Variants in DPY19L4 observed in about 807,000 individuals in gnomAD.
DPY19L4 encodes dpy-19 like 4.
DPY19L4 carries 97 observed loss-of-function variants against 102.8 expected under a neutral mutation model. The ratio of observed to expected loss-of-function variants is 0.94; its 90% CI spans 0.80 to 1.12. The LOEUF is 1.12. Among genes scored for constraint, DPY19L4 ranks in the 50% most tolerant of loss-of-function variants. The pLI is 0.00. For synonymous variants in DPY19L4, 252 were observed against 283.1 expected, an observed-to-expected ratio of 0.89 and a Z score of 1.10; for missense variants, 815 against 850.4, an observed-to-expected ratio of 0.96 and a Z score of 0.52.
intron 6 of DPY19L4, among the ~76,000 whole-genome samples, chr8:94,740,176 C>T (rs1437660579): frequency 6.6e-6 from 1 of 152,190 alleles, no homozygotes; most frequent in African/African-American, 2.4e-5. Flanking sequence ...TTGATTTTAG[C>T]TTAGGGATAC....
rs1055442627 is a variant in DPY19L4, at chr8:94,733,167, C to T, written c.128-1463C>T. Among the ~76,000 whole-genome samples the T allele has an allele frequency of 5.5e-5, 8 of 146,500 alleles. No individual in the cohort carries two copies. In the South Asian group the frequency reaches 1.1e-3, roughly 20 times the overall value. On this transcript the variant is annotated intron_variant, in intron 2 of 18. Transcript: ENST00000414645. ...TTGAGACAGAGTCTCGCTCTGTCGCCCAGGCTGGAGCGCAGTGGCATGATC... is the reference window on the plus strand; with the variant it reads ...TTGAGACAGAGTCTCGCTCTGTCGCTCAGGCTGGAGCGCAGTGGCATGATC...
chr8:94,725,603 A>G (rs1810651390), intron 1 of DPY19L4, among the ~76,000 whole-genome samples: 1 of 152,172 alleles, frequency 6.6e-6, no homozygotes, highest in African/African-American at 2.4e-5. Flanking sequence ...GGGTTATTTA[A>G]AAACAGAAGT....
Position 94,725,086 on chromosome 8 carries a change from C to G in DPY19L4, c.17-1245C>G, listed in dbSNP as rs536303070. 2.0e-5 allele frequency among the ~76,000 whole-genome samples: 3 copies of G among 151,966 alleles called. No homozygotes were observed. In the South Asian group the frequency reaches 6.2e-4, roughly 31 times the overall value. The stretch of plus-strand genomic sequence containing the variant: ...TTTGCTATGAAGCTATTTTAAGATA[C>G]ATTTATTTTATTCATTTTCCACAGT... On this transcript the variant is annotated intron_variant, in intron 1 of 18. Transcript: ENST00000414645.
At chr8:94,736,244 A>G (rs1811184607) in intron 3 of DPY19L4, among the ~76,000 whole-genome samples, 1 of 152,254 alleles carries the variant, frequency 6.6e-6, no homozygotes, top group Non-Finnish European at 1.5e-5. Flanking sequence ...CCCACTTCCA[A>G]ATATCTTCTC....
At position 94,766,701 on chromosome 8, in the gene DPY19L4, T is replaced by C. The variant is rs931921655; in HGVS notation, c.1175+16T>C. The stretch of plus-strand genomic sequence containing the variant: ...ATATGACCAAGTAAGTTTTAGATTA[T>C]GTAAGTTTACCTAAATCGATACCAC... On this transcript the variant is annotated intron_variant, in intron 11 of 18. Coordinates refer to ENST00000414645, the MANE Select transcript of DPY19L4 (RefSeq NM_181787.3). 6.3e-7 allele frequency: 1 copy of C among 1,599,548 alleles called. No homozygotes were observed. Among genetic ancestry groups the C allele is most frequent in the Non-Finnish European group, 8.6e-7 (1 of 1,168,988 alleles).
rs769014044 is a variant in DPY19L4, at chr8:94,789,783, A to C, written c.2045A>C (p.Lys682Thr). The C allele has an allele frequency of 6.2e-7, 1 of 1,611,084 alleles. No individual in the cohort carries two copies. The highest frequency in any genetic ancestry group is 1.1e-5 in the South Asian group (1 of 90,280). Residue 682 changes from lysine to threonine, a missense_variant, in exon 19 of 19, where the codon AAA becomes ACA. Lys to Thr is a moderately conservative substitution (Grantham distance 78). Transcript: ENST00000414645. ...GAAGGTGACAAGCTAACCTACTCAA[A>C]ATATGGGCGATTTTGTCATGAGGTC... The part of the protein sequence containing the change: ...CEEGDKLTYS[K>T]YGRFCHEVKI...
chr8:94,763,517 TC>T (rs1283372905), intron 8 of DPY19L4, among the ~76,000 whole-genome samples: 1 of 133,356 alleles, frequency 7.5e-6, no homozygotes, highest in Non-Finnish European at 1.6e-5. Flanking sequence ...ATTTTTCTTT[TC>T]TTTTTTTTTT....
At chr8:94,761,863 T>A in intron 8 of DPY19L4, 29 bp downstream of exon 8, 1 of 1,587,340 alleles carries the variant, frequency 6.3e-7, no homozygotes, top group Admixed American at 1.8e-5. Flanking sequence ...ATGGTGATTT[T>A]TAAGAGAATA....
At chr8:94,750,906 C>T (rs1811891126) in intron 6 of DPY19L4, among the ~76,000 whole-genome samples, 1 of 151,490 alleles carries the variant, frequency 6.6e-6, no homozygotes, top group South Asian at 2.1e-4. Flanking sequence ...CCTCAGCCTC[C>T]TGAGTAGCTG....
rs372911028 is a variant in DPY19L4 at position 94,737,549 on chromosome 8, C to T, written c.253-820C>T. Among the ~76,000 whole-genome samples the T allele has an allele frequency of 1.1e-3, 165 of 151,182 alleles. 1 individual carries two copies. The highest frequency in any genetic ancestry group is 3.8e-3 in the African/African-American group (157 of 41,312). On this transcript the variant is annotated intron_variant, in intron 3 of 18. Coordinates refer to ENST00000414645, the MANE Select transcript of DPY19L4 (RefSeq NM_181787.3). ...CTGTAATCCCAACACTTTAGGAGGCCGAGGTGGGCGGATCACGAGGTCAGG... is the reference window on the plus strand; with the variant it reads ...CTGTAATCCCAACACTTTAGGAGGCTGAGGTGGGCGGATCACGAGGTCAGG...
At chr8:94,774,974 T>C (rs968262584) in intron 13 of DPY19L4, among the ~76,000 whole-genome samples, 12 of 152,224 alleles carry the variant, frequency 7.9e-5, no homozygotes, top group Non-Finnish European at 1.3e-4. Flanking sequence ...TTTCACTTAA[T>C]GTCACGTCAT....
intron 6 of DPY19L4, among the ~76,000 whole-genome samples, chr8:94,748,126 G>A (rs1811761842): frequency 6.6e-6 from 1 of 152,158 alleles, no homozygotes; most frequent in Admixed American, 6.5e-5. Context: ...GAGTAGCATA[G>A]GTGTCGAGGG....
At position 94,765,236 on chromosome 8, in the gene DPY19L4, AC is replaced by A; in HGVS notation, c.925del (p.Gln309SerfsTer13). 2 of 1,607,520 alleles carry A rather than the reference AC, an allele frequency of 1.2e-6. No individual in the cohort carries two copies. Among genetic ancestry groups the A allele is most frequent in the Non-Finnish European group, 1.7e-6 (2 of 1,177,516 alleles). On this transcript the variant is annotated frameshift_variant, in exon 9 of 19. Transcript: ENST00000414645. LOFTEE classifies it high-confidence loss of function. ...TTTCCCTCTTTCTGGGATATTTACT[AC>A]AGTTTGAGAATCCAGCTTTGTTGGT... ...IFSLFLGYLL[Q>X]FENPALLVSP...
rs773501053 is a variant in DPY19L4, at chr8:94,777,689, A to ATG, written c.1483_1484dup (p.Met496AlafsTer3). ...AGCTTGAAGTACATCTGGATTCCTT[A>ATG]TGTGTGCATGTTAGCAGCATTTGGT... On this transcript the variant is annotated frameshift_variant, in exon 14 of 19. Coordinates refer to ENST00000414645, the MANE Select transcript of DPY19L4 (RefSeq NM_181787.3). LOFTEE classifies it high-confidence loss of function. 3.9e-4 allele frequency: 627 copies of ATG among 1,613,632 alleles called. 1 individual carries two copies. Among genetic ancestry groups the ATG allele is most frequent in the Middle Eastern group, 3.3e-4 (2 of 6,084 alleles).
rs748694840 is a variant in DPY19L4, at chr8:94,739,549, T to C, written c.465+15T>C. ...CTGGTAGCAATGTATGTATTTTTCG[T>C]TGGACCCTAATATTTATTTTCTCAT... On this transcript the variant is annotated intron_variant, in intron 5 of 18. Transcript: ENST00000414645. The C allele has an allele frequency of 3.1e-6, 5 of 1,597,938 alleles. No homozygotes were observed. Among genetic ancestry groups the C allele is most frequent in the African/African-American group, 1.4e-5 (1 of 73,988 alleles).
intron 3 of DPY19L4, among the ~76,000 whole-genome samples, chr8:94,737,782 C>CAAACA (rs149305419): frequency 1.4e-3 from 206 of 150,180 alleles, no homozygotes; most frequent in Admixed American, 3.0e-3. Context: ...GACTCTGTTT[C>CAAACA]AAACAAAACA....
chr8:94,734,914 C>T (rs752141205), intron 3 of DPY19L4, among the ~76,000 whole-genome samples, 160 bp downstream of exon 3: 12 of 152,132 alleles, frequency 7.9e-5, no homozygotes, highest in Non-Finnish European at 8.8e-5. Context: ...CCTTAAAATA[C>T]TAATAGTGTA....
At position 94,789,960 on chromosome 8, in the gene DPY19L4, T is replaced by C. The variant is rs778273090; in HGVS notation, c.*50T>C. 46 of 1,542,818 alleles carry C rather than the reference T, an allele frequency of 3.0e-5. No individual in the cohort carries two copies. Among genetic ancestry groups the C allele is most frequent in the Non-Finnish European group, 3.9e-5 (45 of 1,141,418 alleles). On this transcript the variant is annotated 3_prime_UTR_variant, in exon 19 of 19. Coordinates refer to ENST00000414645, the MANE Select transcript of DPY19L4 (RefSeq NM_181787.3). ...AGACTACCTGAAGTAAAATGCAGTT[T>C]TCTTCTACCTACTCGGTGTCTTTTG...
intron 14 of DPY19L4, among the ~76,000 whole-genome samples, chr8:94,779,880 T>TAA: frequency 6.6e-6 from 1 of 152,300 alleles, no homozygotes; most frequent in Middle Eastern, 3.4e-3. Context: ...TAATAATACT[T>TAA]ATGTTGTATT....
Sources: gnomAD v4.1 joint callset for allele counts (sites outside exome capture counted in the v4.1 genomes callset) on GRCh38, gnomAD v4.1.1 for gene constraint, MANE v1.5 for transcripts, NCBI Gene and HGNC (gene_info 2026-07-23, HGNC 2026-07-21) for gene names.